Variants in RP1 observed in about 807,000 individuals in gnomAD.
The protein encoded by RP1 is RP1 axonemal microtubule associated.
In RP1, 16 loss-of-function variants were observed where a neutral mutation model predicts 14.8. The observed-to-expected ratio is 1.08, with a 90% confidence interval of 0.73 to 1.65. RP1 has a LOEUF of 1.65. Among genes scored for constraint, RP1 ranks in the 40% most tolerant of loss-of-function variants. The pLI is 0.00. For missense variants in RP1, 2,631 were observed against 2,535.0 expected (o/e 1.04, Z -0.81); for synonymous variants, 876 against 883.6 (o/e 0.99, Z 0.15).
intron 17 of RP1, among the ~76,000 whole-genome samples, chr8:54,730,297 T>A (rs1245071909): frequency 6.6e-6 from 1 of 152,142 alleles, no homozygotes; most frequent in Non-Finnish European, 1.5e-5. Flanking sequence ...TATATGTATA[T>A]AAATATACCA....
intron 24 of RP1, among the ~76,000 whole-genome samples, chr8:54,787,232 T>G (rs1055223422): frequency 2.0e-5 from 3 of 151,992 alleles, no homozygotes; most frequent in Non-Finnish European, 2.9e-5. Context: ...AGGAAAACAA[T>G]CAAGGCAAAA....
intron 24 of RP1, among the ~76,000 whole-genome samples, chr8:54,816,097 G>A (rs1403887196): frequency 1.3e-5 from 2 of 152,124 alleles, no homozygotes; most frequent in African/African-American, 4.8e-5. Flanking sequence ...AGCTTACAAG[G>A]AAGGTAGATT....
chr8:54,814,258 C>G (rs968021133), intron 24 of RP1, among the ~76,000 whole-genome samples: 7 of 152,126 alleles, frequency 4.6e-5, no homozygotes, highest in African/African-American at 1.7e-4. Context: ...CTTGTTGTAA[C>G]TCTGAAAATG....
At chr8:54,767,095 A>G (rs868147217) in intron 22 of RP1, among the ~76,000 whole-genome samples, 7 of 152,192 alleles carry the variant, frequency 4.6e-5, no homozygotes, top group South Asian at 2.1e-4. Context: ...AGTCACCCCA[A>G]ATATATTTTC....
rs892573944 is a variant in RP1 at position 54,743,172 on chromosome 8, A to G, written c.2808+4143A>G. On this transcript the variant is annotated intron_variant, in intron 19 of 22. Coordinates refer to the RP1 transcript ENST00000636932. ...GAATGGAAGAAAGAACTCAAATTTC[A>G]CTCAGATTCCCAGTTGTTAAGGTTG... Among the ~76,000 whole-genome samples the G allele has an allele frequency of 2.0e-5, 3 of 152,172 alleles. No individual in the cohort carries two copies. The East Asian group carries it at 5.8e-4, about 29-fold the overall frequency.
At chr8:54,600,241 G>A (rs1585539037) in intron 1 of RP1, among the ~76,000 whole-genome samples, 1 of 152,128 alleles carries the variant, frequency 6.6e-6, no homozygotes, top group African/African-American at 2.4e-5. Flanking sequence ...TCTGTCTCTT[G>A]CCTGCCATAA....
intron 24 of RP1, among the ~76,000 whole-genome samples, chr8:54,818,740 A>C (rs901330727): frequency 5.9e-5 from 9 of 152,178 alleles, no homozygotes; most frequent in Non-Finnish European, 1.5e-5. Context: ...CTACTTTGAG[A>C]GGTGAATTAC....
chr8:54,631,264 T>C (rs117070215), downstream of RP1, among the ~76,000 whole-genome samples: 1,792 of 152,280 alleles, frequency 0.012, 19 homozygotes, highest in Non-Finnish European at 0.018. Context: ...GGAGACTACT[T>C]CTATGTAGAG....
At chr8:54,722,675 T>G (rs1808565273) in intron 16 of RP1, among the ~76,000 whole-genome samples, 1 of 152,102 alleles carries the variant, frequency 6.6e-6, no homozygotes, top group Non-Finnish European at 1.5e-5. Context: ...AAAGTTAAGC[T>G]GAAACTTTTT....
chr8:54,613,846 G>A, upstream of RP1, among the ~76,000 whole-genome samples: 1 of 152,192 alleles, frequency 6.6e-6, no homozygotes, highest in African/African-American at 2.4e-5. Context: ...AAGACATATG[G>A]ATCGAAATGA....
intron 24 of RP1, among the ~76,000 whole-genome samples, chr8:54,836,974 G>T (rs899065105): frequency 6.6e-6 from 1 of 152,036 alleles, no homozygotes; most frequent in African/African-American, 2.4e-5. Flanking sequence ...GTTCTGGGGG[G>T]TGCAAAGGAA....
chr8:54,640,940 G>A (rs915513738), intron 3 of RP1, among the ~76,000 whole-genome samples: 3 of 148,114 alleles, frequency 2.0e-5, no homozygotes, highest in Non-Finnish European at 4.5e-5. Context: ...ATTTATATTT[G>A]CCCACCAATA....
chr8:54,576,551 T>C (rs975621774), intron 1 of RP1, among the ~76,000 whole-genome samples: 98 of 152,356 alleles, frequency 6.4e-4, no homozygotes, highest in African/African-American at 2.3e-3. Context: ...TCACCAGTCA[T>C]GTAACGTGGA....
chr8:54,642,997 C>T (rs796585515), intron 3 of RP1, among the ~76,000 whole-genome samples: 1 of 150,488 alleles, frequency 6.6e-6, no homozygotes, highest in African/African-American at 2.4e-5. Context: ...CTTGTGTTCT[C>T]TTTTTTTTTA....
chr8:54,794,427 G>A (rs958144732), intron 24 of RP1, among the ~76,000 whole-genome samples: 69 of 91,390 alleles, frequency 7.6e-4, no homozygotes, highest in African/African-American at 2.1e-3. Flanking sequence ...ATATACGACC[G>A]TTTGTCAATA....
intron 1 of RP1, among the ~76,000 whole-genome samples, chr8:54,582,392 T>G (rs1422628571): frequency 6.6e-6 from 1 of 152,028 alleles, no homozygotes. Flanking sequence ...ACCATGCTGT[T>G]TTGGTTACTG....
At chr8:54,681,124 T>G (rs1807418236) in intron 12 of RP1, among the ~76,000 whole-genome samples, 1 of 152,216 alleles carries the variant, frequency 6.6e-6, no homozygotes, top group Non-Finnish European at 1.5e-5. Flanking sequence ...CCCTTCATCC[T>G]ATTCCCTGGG....
chr8:54,672,201 A>C (rs796221946), intron 7 of RP1, among the ~76,000 whole-genome samples: 1 of 152,294 alleles, frequency 6.6e-6, no homozygotes, highest in African/African-American at 2.4e-5. Flanking sequence ...TCTGTCTTTT[A>C]GCCTTCCAAA....
At chr8:54,843,919 G>A (rs537745805) in intron 25 of RP1, among the ~76,000 whole-genome samples, 1 of 152,170 alleles carries the variant, frequency 6.6e-6, no homozygotes, top group Admixed American at 6.5e-5. Context: ...AGGGACTAGG[G>A]AACTCCCCAA....
Sources: allele counts gnomAD v4.1 joint callset (sites outside exome capture counted in the v4.1 genomes callset), GRCh38; gene constraint gnomAD v4.1.1; transcripts MANE v1.5; gene names NCBI Gene and HGNC (gene_info 2026-07-23, HGNC 2026-07-21).